Variants in PPARGC1A observed in about 807,000 individuals in gnomAD.
PPARGC1A encodes the protein PPARG coactivator 1 alpha.
In PPARGC1A, 25 loss-of-function variants were observed where a neutral mutation model predicts 88.7. That is an observed-to-expected ratio of 0.28 (90% CI 0.21 to 0.39). The LOEUF (loss-of-function observed/expected upper bound fraction) is 0.39. PPARGC1A is among the 10% of genes least tolerant of loss of function. PPARGC1A has a pLI of 1.00. For missense variants in PPARGC1A, 880 were observed against 968.7 expected, an observed-to-expected ratio of 0.91 and a Z score of 1.22; for synonymous variants, 363 against 355.6, an observed-to-expected ratio of 1.02 and a Z score of -0.24.
At chr4:24,163,337 C>G in the PPARGC1A span, among the ~76,000 whole-genome samples, 1 of 151,758 alleles carries the variant, frequency 6.6e-6, no homozygotes, top group South Asian at 2.1e-4. Context: ...ACATAAATTT[C>G]GTACCACTGC....
At chr4:24,339,027 C>T in the PPARGC1A span, among the ~76,000 whole-genome samples, 2 of 151,984 alleles carry the variant, frequency 1.3e-5, no homozygotes, top group Non-Finnish European at 2.9e-5. Flanking sequence ...CCTGTACCCA[C>T]TAAAAAATAA....
the PPARGC1A span, among the ~76,000 whole-genome samples, chr4:24,031,735 C>T: frequency 6.6e-6 from 1 of 152,146 alleles, no homozygotes; most frequent in African/African-American, 2.4e-5. Context: ...GTCAAAGTCA[C>T]CCCCAACTGA....
the PPARGC1A span, among the ~76,000 whole-genome samples, chr4:23,980,552 C>T: frequency 6.6e-6 from 1 of 151,984 alleles, no homozygotes; most frequent in African/African-American, 2.4e-5. Flanking sequence ...CAAGTTTAGA[C>T]AGAAAAAAAT....
At chr4:24,360,700 G>C in the PPARGC1A span, among the ~76,000 whole-genome samples, 1 of 152,184 alleles carries the variant, frequency 6.6e-6, no homozygotes, top group East Asian at 1.9e-4. Flanking sequence ...AGCAGTGCCT[G>C]ATTCTGCCTG....
the PPARGC1A span, among the ~76,000 whole-genome samples, chr4:24,464,613 T>C: frequency 6.6e-6 from 1 of 152,226 alleles, no homozygotes; most frequent in Admixed American, 6.5e-5. Context: ...ATGTCTTGTC[T>C]TCTTCCACAA....
intron 12 of PPARGC1A, among the ~76,000 whole-genome samples, chr4:23,796,204 C>A (rs1717571804): frequency 6.6e-6 from 1 of 152,108 alleles, no homozygotes; most frequent in Non-Finnish European, 1.5e-5. Flanking sequence ...CCACCCTCCC[C>A]TTCCCCCGAC....
chr4:24,267,045 C>T, the PPARGC1A span, among the ~76,000 whole-genome samples: 4 of 152,168 alleles, frequency 2.6e-5, no homozygotes, highest in African/African-American at 9.7e-5. Context: ...TCATCAGCCA[C>T]TTTCTAAAAA....
At chr4:23,811,657 A>G (rs1049000332) in intron 10 of PPARGC1A, among the ~76,000 whole-genome samples, 7 of 152,106 alleles carry the variant, frequency 4.6e-5, no homozygotes, top group Admixed American at 1.3e-4. Context: ...GGTAAAGCCT[A>G]CCCACTAGTC....
chr4:23,931,733 G>A, the PPARGC1A span, among the ~76,000 whole-genome samples: 1 of 152,162 alleles, frequency 6.6e-6, no homozygotes, highest in Admixed American at 6.5e-5. Flanking sequence ...TTACAAGACT[G>A]CCATGGGGAT....
the PPARGC1A span, among the ~76,000 whole-genome samples, chr4:24,212,920 G>T: frequency 1.3e-5 from 2 of 152,086 alleles, no homozygotes; most frequent in African/African-American, 2.4e-5. Flanking sequence ...CAGGCCTACT[G>T]CAAGGGTCTA....
chr4:24,159,260 G>A, the PPARGC1A span, among the ~76,000 whole-genome samples: 1 of 144,664 alleles, frequency 6.9e-6, no homozygotes, highest in Non-Finnish European at 1.5e-5. Flanking sequence ...TGCCAGGCTG[G>A]AGTGCAATGG....
intron 7 of PPARGC1A, among the ~76,000 whole-genome samples, chr4:23,817,909 C>G (rs1364259547): frequency 2.6e-5 from 4 of 152,126 alleles, no homozygotes; most frequent in Admixed American, 6.5e-5. Flanking sequence ...TTTCTTTGAA[C>G]ATAGTGTTAA....
At chr4:24,383,627 G>A in the PPARGC1A span, among the ~76,000 whole-genome samples, 2 of 152,142 alleles carry the variant, frequency 1.3e-5, no homozygotes, top group Non-Finnish European at 1.5e-5. Flanking sequence ...AAGGATATCA[G>A]AGATTGAAGA....
the PPARGC1A span, among the ~76,000 whole-genome samples, chr4:24,141,025 A>G: frequency 7.9e-5 from 12 of 152,348 alleles, no homozygotes; most frequent in East Asian, 2.3e-3. Flanking sequence ...AGAAGTTAGG[A>G]AACTCTAGGG....
chr4:24,113,305 G>C, the PPARGC1A span, among the ~76,000 whole-genome samples: 1 of 152,172 alleles, frequency 6.6e-6, no homozygotes, highest in Non-Finnish European at 1.5e-5. Context: ...TGCATGGATG[G>C]ATGGATGGAT....
intron 10 of PPARGC1A, among the ~76,000 whole-genome samples, chr4:23,803,332 T>C (rs879843845): frequency 3.9e-5 from 6 of 152,152 alleles, no homozygotes; most frequent in Non-Finnish European, 7.3e-5. Flanking sequence ...ATGTAGGCCA[T>C]TTTAAGCCAT....
the PPARGC1A span, among the ~76,000 whole-genome samples, chr4:23,911,733 T>A: frequency 6.6e-6 from 1 of 152,186 alleles, no homozygotes; most frequent in East Asian, 1.9e-4. Context: ...AATATATATA[T>A]ATACTAACAT....
At chr4:24,274,855 G>T in the PPARGC1A span, among the ~76,000 whole-genome samples, 22 of 152,148 alleles carry the variant, frequency 1.4e-4, no homozygotes, top group African/African-American at 4.6e-4. Flanking sequence ...TGTGTCCCAT[G>T]GGTAATGATT....
At chr4:24,077,743 A>G in the PPARGC1A span, among the ~76,000 whole-genome samples, 2 of 151,096 alleles carry the variant, frequency 1.3e-5, no homozygotes, top group African/African-American at 4.9e-5. Context: ...TCTTGGTTCA[A>G]GGAAATTCTT....
Sources: gnomAD v4.1 joint callset for allele counts (sites outside exome capture counted in the v4.1 genomes callset) on GRCh38, gnomAD v4.1.1 for gene constraint, MANE v1.5 for transcripts, NCBI Gene and HGNC (gene_info 2026-07-23, HGNC 2026-07-21) for gene names.